The following IFT20 variants were observed in gnomAD, a reference collection of about 807,000 sequenced individuals.
IFT20 encodes intraflagellar transport protein 20 homolog.
IFT20 carries 4 observed loss-of-function variants against 16.9 expected under a neutral mutation model. That is an observed-to-expected ratio of 0.24 (90% CI 0.12 to 0.54). The LOEUF (loss-of-function observed/expected upper bound fraction) is 0.54. IFT20 is among the 20% of genes least tolerant of loss of function. IFT20 has a pLI of 0.95. For synonymous variants in IFT20, 48 were observed against 49.9 expected, an observed-to-expected ratio of 0.96 and a Z score of 0.16; for missense variants, 154 against 149.7, an observed-to-expected ratio of 1.03 and a Z score of -0.15.
chr17:28,334,758 G>C (rs1191570621), intron 1 of IFT20, among the ~76,000 whole-genome samples: 1 of 152,230 alleles, frequency 6.6e-6, no homozygotes, highest in Admixed American at 6.5e-5. Context: ...CCGAACACAA[G>C]TGTTCCGAGT....
chr17:28,331,741 C>A, intron 2 of IFT20, 118 bp downstream of exon 2: 6 of 1,320,158 alleles, frequency 4.5e-6, no homozygotes, highest in Non-Finnish European at 6.4e-6. Flanking sequence ...AACTCACAGA[C>A]GCCAGATTCA....
chr17:28,331,679 T>G, intron 2 of IFT20, 180 bp downstream of exon 2: 1 of 675,224 alleles, frequency 1.5e-6, no homozygotes, highest in Admixed American at 2.6e-5. Context: ...TGGTGCCCTG[T>G]TGGGGACACA....
At chr17:28,334,301 T>G (rs1039087721) in intron 1 of IFT20, among the ~76,000 whole-genome samples, 59 of 152,166 alleles carry the variant, frequency 3.9e-4, no homozygotes, top group African/African-American at 1.4e-3. Context: ...TGTCCAAAAG[T>G]ATGTCAAGTG....
At position 28,331,906 on chromosome 17, in the gene IFT20, G is replaced by A; in HGVS notation, c.80C>T (p.Thr27Ile). 6.2e-7 allele frequency: 1 copy of A among 1,614,202 alleles called. No individual in the cohort carries two copies. Among genetic ancestry groups the A allele is most frequent in the Non-Finnish European group, 8.5e-7 (1 of 1,180,044 alleles). The change falls in exon 2 of 5, where the codon ACC becomes ATC. Residue 27 changes from threonine to isoleucine, a missense_variant. By Grantham distance (89) the Thr-to-Ile change is moderately conservative. Transcript: ENST00000395418. Reference protein sequence around the residue: ...NKLRVLDPEVTQQTIELKEEC... With the variant: ...NKLRVLDPEVIQQTIELKEEC... ...TTCCTTCAGCTCTATGGTCTGCTGG[G>A]TAACCTCTGGGTCCAACACCCTCAG...
At chr17:28,329,582 T>G (rs1413402695) in intron 3 of IFT20, 2 of 272,616 alleles carry the variant, frequency 7.3e-6, no homozygotes, top group African/African-American at 4.4e-5. Context: ...AAGCCTTCAT[T>G]TCTTCATTTA....
chr17:28,332,897 G>C (rs1906882246), intron 1 of IFT20, among the ~76,000 whole-genome samples: 1 of 152,146 alleles, frequency 6.6e-6, no homozygotes, highest in Non-Finnish European at 1.5e-5. Flanking sequence ...AGGTGAGCTG[G>C]AGCCAGACCA....
At chr17:28,332,157 C>A in intron 1 of IFT20, 170 bp from the exon 2 acceptor site, 1 of 1,543,548 alleles carries the variant, frequency 6.5e-7, no homozygotes, top group African/African-American at 1.4e-5. Context: ...TGTTTCCCAT[C>A]CAGGTTCCCT....
Position 28,329,164 on chromosome 17 carries a change from A to G in IFT20, c.317+9T>C. The G allele has an allele frequency of 6.3e-7, 1 of 1,599,984 alleles. No homozygotes were observed. Among genetic ancestry groups the G allele is most frequent in the Non-Finnish European group, 8.6e-7 (1 of 1,167,704 alleles). On this transcript the variant is annotated intron_variant, in intron 4 of 4. Coordinates refer to ENST00000395418, the MANE Select transcript of IFT20 (RefSeq NM_001267776.2). Reference sequence around the variant, plus strand: ...TGTAAAGAACTTGCTTTACATCATGACTTCTTACCTTTCTAGCTGCATTTT... The same window carrying G: ...TGTAAAGAACTTGCTTTACATCATGGCTTCTTACCTTTCTAGCTGCATTTT...
At chr17:28,333,558 G>A (rs1417691915) in intron 1 of IFT20, among the ~76,000 whole-genome samples, 1 of 152,196 alleles carries the variant, frequency 6.6e-6, no homozygotes, top group African/African-American at 2.4e-5. Context: ...TGGCCTCACT[G>A]GAATCCACTG....
At chr17:28,330,389 G>T (rs781833449) in intron 3 of IFT20, 54 bp downstream of exon 3, 1 of 1,165,552 alleles carries the variant, frequency 8.6e-7, no homozygotes, top group Non-Finnish European at 1.3e-6. Flanking sequence ...GGATGAGAGG[G>T]TAGTGAACTA....
chr17:28,333,630 A>C (rs1270672877), intron 1 of IFT20, among the ~76,000 whole-genome samples: 1 of 152,230 alleles, frequency 6.6e-6, no homozygotes, highest in Non-Finnish European at 1.5e-5. Flanking sequence ...TCCTTAAAAT[A>C]GGGCTTTTTA....
intron 2 of IFT20, 74 bp from the exon 3 acceptor site, chr17:28,330,602 T>G: frequency 9.8e-7 from 1 of 1,016,240 alleles, no homozygotes; most frequent in Non-Finnish European, 1.5e-6. Flanking sequence ...GCTAAGGCAG[T>G]GAGAGGGCAG....
At chr17:28,332,219 C>T in intron 1 of IFT20, 2 of 1,536,162 alleles carry the variant, frequency 1.3e-6, no homozygotes, top group Non-Finnish European at 1.7e-6. Context: ...GGAGGTGTGT[C>T]ATAGGAGCAA....
At chr17:28,329,772 A>C (rs1272114011) in intron 3 of IFT20, 3 of 165,984 alleles carry the variant, frequency 1.8e-5, no homozygotes, top group Non-Finnish European at 3.9e-5. Flanking sequence ...CTAAAAATAC[A>C]AAAAAATGGC....
At chr17:28,329,363 T>C in intron 3 of IFT20, 87 bp from the exon 4 acceptor site, 2 of 1,013,006 alleles carry the variant, frequency 2.0e-6, no homozygotes. Flanking sequence ...ATCTGGGAGC[T>C]GTGTCAGTCT....
intron 2 of IFT20, among the ~76,000 whole-genome samples, chr17:28,331,136 A>G (rs16964224): frequency 0.084 from 12,825 of 152,276 alleles, 672 homozygotes; most frequent in East Asian, 0.23. Flanking sequence ...ACAAAAAAGC[A>G]AGCTCACAGC....
chr17:28,334,823 G>A (rs1335420864), intron 1 of IFT20, among the ~76,000 whole-genome samples: 5 of 152,228 alleles, frequency 3.3e-5, no homozygotes, highest in Admixed American at 3.3e-4. Flanking sequence ...GACTGAATGT[G>A]GGGGTTTGGG....
At chr17:28,329,320 T>C in intron 3 of IFT20, 44 bp from the exon 4 acceptor site, 2 of 1,484,564 alleles carry the variant, frequency 1.3e-6, no homozygotes, top group South Asian at 1.2e-5. Context: ...TAAAACCATC[T>C]ACAGCATCAA....
chr17:28,335,049 T>C (rs1907052252), intron 1 of IFT20, among the ~76,000 whole-genome samples: 1 of 152,148 alleles, frequency 6.6e-6, no homozygotes, highest in Non-Finnish European at 1.5e-5. Context: ...CATGAGGCGG[T>C]GGCATACTTT....
Sources: allele counts gnomAD v4.1 joint callset (sites outside exome capture counted in the v4.1 genomes callset), GRCh38; gene constraint gnomAD v4.1.1; transcripts MANE v1.5; gene names NCBI Gene and HGNC (gene_info 2026-07-23, HGNC 2026-07-21).